Variants in IDUA observed in about 807,000 individuals in gnomAD.
IDUA encodes the protein alpha-L-iduronidase, also known as iduronidase alpha-L-.
A neutral mutation model predicts 68.9 loss-of-function variants in IDUA; 65 were observed. The observed-to-expected ratio is 0.94, with a 90% CI of 0.77 to 1.16. The LOEUF is 1.16. Ranked by LOEUF, IDUA falls within the 50% of genes most tolerant of loss-of-function variation. The pLI, the probability that IDUA is intolerant of heterozygous loss-of-function variation, is 0.00. For missense variants in IDUA, 1,046 were observed against 938.0 expected (o/e 1.12, Z -1.50); for synonymous variants, 529 against 433.6 (o/e 1.22, Z -2.73).
Position 1,002,851 on chromosome 4 carries a change from G to C in IDUA, c.1309G>C (p.Ala437Pro). ...GGGCCCGGCCGACGCCTGGCGCGCC[G>C]CGGTGCTGATCTACGCGAGCGACGA... ...PQGPADAWRA[A>P]VLIYASDDTR... Residue 437 changes from alanine (A) to proline (P), a missense_variant, in exon 9 of 14, where the codon GCG becomes CCG. Ala to Pro is a conservative substitution (Grantham distance 27, BLOSUM62 -1). Coordinates refer to ENST00000514224, the MANE Select transcript of IDUA (RefSeq NM_000203.5). 2 of 1,454,164 alleles carry C rather than the reference G, an allele frequency of 1.4e-6. No individual in the cohort carries two copies. 90.1% of individuals were successfully genotyped at this position (1,454,164 alleles called of 1,614,324 possible).
chr4:990,572 G>A lies in IDUA; in HGVS notation c.299+2623G>A, dbSNP rs762050255. The A allele has an allele frequency of 6.7e-5, 40 of 595,618 alleles. 1 individual carries two copies. The highest frequency in any genetic ancestry group is 1.1e-4 in the Non-Finnish European group (37 of 335,318). The allele number at this position is 595,618 out of a possible 1,614,324, so 36.9% of individuals were successfully genotyped here. On this transcript the variant is annotated intron_variant, in intron 2 of 13. Transcript: ENST00000514224. ...GCCCGCAGACAACTGTGACATCCACGTGAGCATCACACGTGCACACAGCTG... is the reference window on the plus strand; with the variant it reads ...GCCCGCAGACAACTGTGACATCCACATGAGCATCACACGTGCACACAGCTG...
intron 2 of IDUA, among the ~76,000 whole-genome samples, chr4:996,733 C>G (rs1202147550): frequency 6.6e-6 from 1 of 152,204 alleles, no homozygotes; most frequent in Admixed American, 6.5e-5. Flanking sequence ...GTGTCTCTGC[C>G]TCAGTTTCTC....
chr4:1,001,940 G>C (rs1715108811), intron 6 of IDUA, 42 bp from the exon 7 acceptor site: 1 of 1,569,696 alleles, frequency 6.4e-7, no homozygotes, highest in African/African-American at 1.3e-5. Context: ...TGTGCCCCGG[G>C]CCGCGCTGAC....
intron 2 of IDUA, chr4:990,248 G>A (rs994121317): frequency 1.3e-6 from 2 of 1,587,000 alleles, no homozygotes; most frequent in African/African-American, 1.3e-5. Context: ...ACGCCCAGCA[G>A]GTGTTTGAGC....
chr4:1,003,903 C>T lies in IDUA; in HGVS notation c.1728-109C>T, dbSNP rs556744337. 4.7e-5 allele frequency: 47 copies of T among 989,840 alleles called. 1 individual carries two copies. The East Asian group carries it at 9.3e-4, about 20-fold the overall frequency. The allele number at this position is 989,840 out of a possible 1,614,324, so 61.3% of individuals were successfully genotyped here. On this transcript the variant is annotated intron_variant, in intron 12 of 13. Coordinates refer to ENST00000514224, the MANE Select transcript of IDUA (RefSeq NM_000203.5). ...TGCCCAGGGGCTGGGGAGGTGCCGC[C>T]GAGGGGCTTGAGGGAATGAGGCTGT...
chr4:1,001,451 G>A lies in IDUA; in HGVS notation c.494-17G>A. ...GAGATTCACCTGTGCTGGGGGGACA[G>A]CAAGGCTCCTCTGCAGGTAGGTACG... is the stretch of plus-strand genomic sequence containing the variant. On this transcript the variant is annotated splice_polypyrimidine_tract_variant and intron_variant, in intron 4 of 13. Coordinates refer to ENST00000514224, the MANE Select transcript of IDUA (RefSeq NM_000203.5). 2 of 1,609,010 alleles carry A rather than the reference G, an allele frequency of 1.2e-6. No individual in the cohort carries two copies. Among genetic ancestry groups the A allele is most frequent in the Non-Finnish European group, 8.5e-7 (1 of 1,176,320 alleles).
intron 2 of IDUA, chr4:988,617 G>C (rs1164375810): frequency 2.2e-6 from 3 of 1,377,718 alleles, no homozygotes; most frequent in Non-Finnish European, 2.8e-6. Flanking sequence ...GCCTGTCTCG[G>C]AGGCAGAGGT....
Position 1,002,126 on chromosome 4 carries a change from A to G in IDUA, c.937A>G (p.Arg313Gly), listed in dbSNP as rs1188592487. The G allele has an allele frequency of 6.4e-7, 1 of 1,566,770 alleles. No individual in the cohort carries two copies. The highest frequency in any genetic ancestry group is 1.9e-5 in the Admixed American group (1 of 52,494). Residue 313 changes from arginine (R) to glycine (G), a missense_variant, in exon 7 of 14, where the codon AGG becomes GGG. Coordinates refer to ENST00000514224, the MANE Select transcript of IDUA (RefSeq NM_000203.5). Reference protein sequence around the residue: ...LVGWSLPQPWRADVTYAAMVV... With the variant: ...LVGWSLPQPWGADVTYAAMVV... ...GGGCTGGTCCCTGCCACAGCCGTGG[A>G]GGGCGGACGTGACCTACGCGGCCAT... is the stretch of plus-strand genomic sequence containing the variant.
At chr4:998,431 CCCA>C (rs959118355) in intron 2 of IDUA, among the ~76,000 whole-genome samples, 1 of 152,150 alleles carries the variant, frequency 6.6e-6, no homozygotes, top group Non-Finnish European at 1.5e-5. Flanking sequence ...AACCCCATCC[CCCA>C]CCACTGCAGA....
rs563866785 is a variant in IDUA, at chr4:990,022, G to A, written c.299+2073G>A. ...GCGCTTGTGGAGCTGCCCGAAGTGC[G>A]ACACGAGTGTGGCCACCACGATGAC... On this transcript the variant is annotated intron_variant, in intron 2 of 13. Coordinates refer to ENST00000514224, the MANE Select transcript of IDUA (RefSeq NM_000203.5). The A allele has an allele frequency of 8.8e-6, 14 of 1,589,090 alleles. No individual in the cohort carries two copies. In the East Asian group the frequency reaches 2.5e-4, roughly 29 times the overall value.
rs756195759 is a variant in IDUA, at chr4:991,208, C to T, written c.299+3259C>T. 9 of 1,605,190 alleles carry T rather than the reference C, an allele frequency of 5.6e-6. No individual in the cohort carries two copies. The South Asian group carries it at 1.0e-4, about 18-fold the overall frequency. On this transcript the variant is annotated intron_variant, in intron 2 of 13. Coordinates refer to ENST00000514224, the MANE Select transcript of IDUA (RefSeq NM_000203.5). ...TCACGCCCGCAGTCCAGCATGGCAG[C>T]CGAGCCGTTGAGGGTGCTGCTGTTG...
rs1577545499 is a variant in IDUA at position 1,004,166 on chromosome 4, G to A, written c.1828+54G>A. The A allele has an allele frequency of 1.2e-6, 2 of 1,611,566 alleles. No homozygotes were observed. The highest frequency in any genetic ancestry group is 1.7e-6 in the Non-Finnish European group (2 of 1,179,060). On this transcript the variant is annotated intron_variant, in intron 13 of 13. Transcript: ENST00000514224. This position sits in a 1 kb window ranked among gnomAD's most constrained non-coding sequence, Gnocchi z 5.0. ...CGGCCACCCCATTCTTGGGCCTCAG[G>A]GCAGTACTGGGTGGGGGCCTCGAGA...
intron 2 of IDUA, chr4:991,630 C>G: frequency 6.3e-7 from 1 of 1,576,186 alleles, no homozygotes; most frequent in Non-Finnish European, 8.6e-7. Context: ...ACGCAGACCC[C>G]GGGGTGCTGG....
intron 10 of IDUA, 66 bp from the exon 11 acceptor site, chr4:1,003,279 C>T: frequency 7.3e-7 from 1 of 1,367,672 alleles, no homozygotes; most frequent in Non-Finnish European, 9.3e-7. Flanking sequence ...GGGGCGTTCG[C>T]CCTGAGGTCG....
chr4:987,338 C>A lies in IDUA; in HGVS notation c.158+96C>A, dbSNP rs1477842105. On this transcript the variant is annotated intron_variant, in intron 1 of 13. Transcript: ENST00000514224. ...TGTGAGAGCTTCAGAGACCGGAGCT[C>A]CCTCCTCTGGGGCCCTGGCTCTCCC... is the stretch of plus-strand genomic sequence containing the variant. The A allele has an allele frequency of 2.4e-5, 29 of 1,222,200 alleles. No homozygotes were observed. The East Asian group carries it at 5.2e-4, about 22-fold the overall frequency. The allele number at this position is 1,222,200 out of a possible 1,614,324, so 75.7% of individuals were successfully genotyped here.
rs1343199533 is a variant in IDUA at position 1,004,265 on chromosome 4, G to A, written c.1834G>A (p.Gly612Ser). The change falls in exon 14 of 14, where the codon GGT becomes AGT. Residue 612 changes from glycine to serine, a missense_variant. Gly to Ser is a moderately conservative substitution (Grantham distance 56). Coordinates refer to ENST00000514224, the MANE Select transcript of IDUA (RefSeq NM_000203.5). This position sits in a 1 kb window ranked among gnomAD's most constrained non-coding sequence, Gnocchi z 5.0. The part of the protein sequence containing the change: ...FNLFVFSPDT[G>S]AVSGSYRVRA... ...ACATGTCCCCTTGTCTCCAGACACAGGTGCTGTCTCTGGCTCCTACCGAGT... is the reference window on the plus strand; with the variant it reads ...ACATGTCCCCTTGTCTCCAGACACAAGTGCTGTCTCTGGCTCCTACCGAGT... 6.2e-7 allele frequency: 1 copy of A among 1,610,132 alleles called. No homozygotes were observed. Among genetic ancestry groups the A allele is most frequent in the Non-Finnish European group, 8.5e-7 (1 of 1,179,982 alleles).
chr4:1,003,323 G>A, intron 10 of IDUA, 22 bp from the exon 11 acceptor site: 1 of 1,442,498 alleles, frequency 6.9e-7, no homozygotes, highest in South Asian at 1.4e-5. Context: ...GGAGAACCCT[G>A]AGGACCGGCC....
At chr4:1,001,625 G>A in intron 5 of IDUA, 54 bp from the exon 6 acceptor site, 1 of 1,608,768 alleles carries the variant, frequency 6.2e-7, no homozygotes, top group African/African-American at 1.3e-5. Context: ...CAGGAGCAGA[G>A]GCTAAGCCGC....
Position 1,001,805 on chromosome 4 carries a change from G to T in IDUA, c.716G>T (p.Arg239Leu). 1 of 1,604,426 alleles carries T rather than the reference G, an allele frequency of 6.2e-7. No individual in the cohort carries two copies. The highest frequency in any genetic ancestry group is 2.2e-5 in the East Asian group (1 of 44,534). Residue 239 changes from arginine to leucine, a missense_variant, in exon 6 of 14, where the codon CGC (arginine) becomes CTC (leucine). Arg to Leu is a moderately radical substitution (Grantham distance 102). Coordinates refer to ENST00000514224, the MANE Select transcript of IDUA (RefSeq NM_000203.5). ...TCCCCGCTGAGCTGGGGCCTCCTGCGCCACTGCCACGACGGTACCAACTTC... is the reference window on the plus strand; with the variant it reads ...TCCCCGCTGAGCTGGGGCCTCCTGCTCCACTGCCACGACGGTACCAACTTC... ...PRSPLSWGLL[R>L]HCHDGTNFFT... is the part of the protein sequence containing the mutation.
Sources: allele counts gnomAD v4.1 joint callset (sites outside exome capture counted in the v4.1 genomes callset), GRCh38; gene constraint gnomAD v4.1.1; non-coding constraint Gnocchi (gnomAD v3.1); transcripts MANE v1.5; gene names NCBI Gene and HGNC (gene_info 2026-07-23, HGNC 2026-07-21).